Variants in JMY observed in about 807,000 individuals in gnomAD.
JMY encodes the protein junction-mediating and -regulatory protein.
In JMY, 46 loss-of-function variants were observed where a neutral mutation model predicts 103.3. The observed-to-expected ratio is 0.45, with a 90% CI of 0.35 to 0.57. The LOEUF is 0.57. Among genes scored for constraint, JMY ranks in the 20% least tolerant of loss-of-function variants. The pLI, the probability that JMY is intolerant of heterozygous loss-of-function variation, is 0.00. For missense variants in JMY, 1,238 were observed against 1,255.2 expected, an observed-to-expected ratio of 0.99 and a Z score of 0.21; for synonymous variants, 526 against 489.3, an observed-to-expected ratio of 1.07 and a Z score of -0.99.
At chr5:79,265,012 C>A (rs116120695) in intron 1 of JMY, among the ~76,000 whole-genome samples, 4,664 of 152,244 alleles carry the variant, frequency 0.031, 87 homozygotes, top group South Asian at 0.062. Flanking sequence ...AGCCCTGCCT[C>A]CCAGGTTCAT....
intron 2 of JMY, chr5:79,284,820 C>G: frequency 6.3e-7 from 1 of 1,576,424 alleles, no homozygotes. Flanking sequence ...CAGGTGCTTT[C>G]ACATCATACC....
chr5:79,278,085 TA>T lies in JMY; in HGVS notation c.1206+3del, dbSNP rs1745997970. 1 of 1,606,910 alleles carries T rather than the reference TA, an allele frequency of 6.2e-7. No individual in the cohort carries two copies. The highest frequency in any genetic ancestry group is 8.5e-7 in the Non-Finnish European group (1 of 1,175,430). ...ATGCTACGAAGACAGCAGATCAAGG[TA>T]TTTTTTTATTAATCCTAACTAGTAG... is the stretch of plus-strand genomic sequence containing the variant. On this transcript the variant is annotated splice_donor_region_variant and intron_variant, in intron 2 of 10. Transcript: ENST00000396137.
chr5:79,278,543 G>C (rs974171863), intron 2 of JMY, among the ~76,000 whole-genome samples: 1 of 124,594 alleles, frequency 8.0e-6, no homozygotes, highest in Non-Finnish European at 1.6e-5. Context: ...CTTGAGCTCC[G>C]AGCTTGAGAC....
At chr5:79,283,854 A>C (rs1746192168) in intron 2 of JMY, among the ~76,000 whole-genome samples, 4 of 152,212 alleles carry the variant, frequency 2.6e-5, no homozygotes, top group Admixed American at 2.6e-4. Flanking sequence ...TACTGAACTG[A>C]AGGTTACAAT....
intron 1 of JMY, among the ~76,000 whole-genome samples, chr5:79,251,899 C>T (rs1470905898): frequency 2.0e-5 from 3 of 152,088 alleles, no homozygotes; most frequent in Non-Finnish European, 2.9e-5. Context: ...CTCAGCCTCC[C>T]GAGTAGCTGG....
At chr5:79,290,766 T>TC (rs1746394026) in intron 3 of JMY, among the ~76,000 whole-genome samples, 1 of 152,088 alleles carries the variant, frequency 6.6e-6, no homozygotes, top group South Asian at 2.1e-4. Context: ...GGCAGGTGGA[T>TC]CACAAGGTCA....
intron 1 of JMY, among the ~76,000 whole-genome samples, chr5:79,268,483 A>T (rs985889471): frequency 1.3e-5 from 2 of 151,198 alleles, no homozygotes; most frequent in East Asian, 1.9e-4. Context: ...TTTATTTTTT[A>T]TTTATTTATT....
In JMY at chr5:79,270,521, A is replaced by ATG. The variant is rs1745734046; in HGVS notation, c.1033-7388_1033-7387insGT. Among the ~76,000 whole-genome samples the ATG allele has an allele frequency of 4.8e-4, 42 of 87,552 alleles. 2 individuals carry two copies. Among genetic ancestry groups the ATG allele is most frequent in the African/African-American group, 1.4e-3 (39 of 27,444 alleles). The allele number at this position is 87,552 out of a possible 152,430, so 57.4% of individuals were successfully genotyped here. On this transcript the variant is annotated intron_variant, in intron 1 of 10. Transcript: ENST00000396137. ...ATATATATTTACATAAATATTTAAA[A>ATG]TATATATTTACATAAATATTTAAAA...
Position 79,279,370 on chromosome 5 carries a change from T to C in JMY, c.1206+1287T>C, listed in dbSNP as rs1275861892. ...TAAATTTTTTCCCCCACAACATGGGTGAAAAAGCATTTTTTGAGGCAAGCA... is the reference window on the plus strand; with the variant it reads ...TAAATTTTTTCCCCCACAACATGGGCGAAAAAGCATTTTTTGAGGCAAGCA... On this transcript the variant is annotated intron_variant, in intron 2 of 10. Coordinates refer to ENST00000396137, the MANE Select transcript of JMY (RefSeq NM_152405.5). 2.0e-5 allele frequency among the ~76,000 whole-genome samples: 3 copies of C among 152,154 alleles called. No individual in the cohort carries two copies. The East Asian group carries it at 5.8e-4, about 29-fold the overall frequency.
At position 79,316,194 on chromosome 5, in the gene JMY, G is replaced by T; in HGVS notation, c.2854G>T (p.Asp952Tyr). 1 of 1,614,058 alleles carries T rather than the reference G, an allele frequency of 6.2e-7. No homozygotes were observed. The change falls in exon 10 of 11, where the codon GAT (aspartate) becomes TAT (tyrosine). Residue 952 changes from aspartate to tyrosine, a missense_variant. Coordinates refer to ENST00000396137, the MANE Select transcript of JMY (RefSeq NM_152405.5). ...GAGAGAATCCTTCACACTTCTACCC[G>T]ATACAGACCCTCTAACACGGAGCAT... ...VLRESFTLLP[D>Y]TDPLTRSIHE...
chr5:79,251,034 C>T (rs1745069971), intron 1 of JMY, among the ~76,000 whole-genome samples: 1 of 151,844 alleles, frequency 6.6e-6, no homozygotes, highest in African/African-American at 2.4e-5. Context: ...ATTTATATTT[C>T]TTAAGAAGAG....
At chr5:79,249,884 A>G (rs1363595798) in intron 1 of JMY, among the ~76,000 whole-genome samples, 1 of 152,174 alleles carries the variant, frequency 6.6e-6, no homozygotes, top group Non-Finnish European at 1.5e-5. Context: ...ACAGGGGTTC[A>G]TACCTCACTT....
At chr5:79,309,226 T>C (rs1287809217) in intron 7 of JMY, among the ~76,000 whole-genome samples, 2 of 152,194 alleles carry the variant, frequency 1.3e-5, no homozygotes, top group African/African-American at 4.8e-5. Flanking sequence ...TTGTTCCTGA[T>C]CTTAGCAAGA....
In JMY at chr5:79,300,832, C is replaced by T. The variant is rs762257141; in HGVS notation, c.1850C>T (p.Ser617Phe). ...CTGGAAGCAAGACGTGGACGGGTTT[C>T]TGCCAAGAAATCCTACCTCAGAAAT... ...RQLEARRGRV[S>F]AKKSYLRNKK... The change falls in exon 6 of 11, where the codon TCT (serine) becomes TTT (phenylalanine). Residue 617 changes from serine (S) to phenylalanine (F), a missense_variant. Ser to Phe is a radical substitution (Grantham distance 155). Coordinates refer to ENST00000396137, the MANE Select transcript of JMY (RefSeq NM_152405.5). 1 of 1,595,782 alleles carries T rather than the reference C, an allele frequency of 6.3e-7. No individual in the cohort carries two copies. Among genetic ancestry groups the T allele is most frequent in the South Asian group, 1.1e-5 (1 of 87,160 alleles).
intron 2 of JMY, among the ~76,000 whole-genome samples, chr5:79,288,334 A>C (rs1011362476): frequency 2.6e-5 from 4 of 152,110 alleles, no homozygotes; most frequent in African/African-American, 9.7e-5. Flanking sequence ...CACCTCTCGC[A>C]TGCCTTTTCA....
intron 1 of JMY, among the ~76,000 whole-genome samples, chr5:79,273,110 C>G (rs924921061): frequency 1.3e-5 from 2 of 152,204 alleles, no homozygotes; most frequent in South Asian, 2.1e-4. Flanking sequence ...GAAAAATAGT[C>G]TATTTTCCTA....
chr5:79,267,404 C>T (rs2607140), intron 1 of JMY, among the ~76,000 whole-genome samples: 44,455 of 152,032 alleles, frequency 0.29, 7,537 homozygotes, highest in South Asian at 0.45. Flanking sequence ...TGCTCCATCT[C>T]TCCTAGCCTC....
intron 10 of JMY, among the ~76,000 whole-genome samples, chr5:79,318,761 T>TAGAGAGAG (rs3081332): frequency 3.7e-5 from 2 of 53,612 alleles, no homozygotes; most frequent in East Asian, 4.9e-4. Flanking sequence ...TATATATATA[T>TAGAGAGAG]AGAGAGAGAG....
At chr5:79,245,637 T>C (rs899914760) in intron 1 of JMY, among the ~76,000 whole-genome samples, 2 of 152,062 alleles carry the variant, frequency 1.3e-5, no homozygotes, top group African/African-American at 2.4e-5. Context: ...GGTTTTTTTC[T>C]TTTTTTGAGA....
Sources: gnomAD v4.1 joint callset for allele counts (sites outside exome capture counted in the v4.1 genomes callset) on GRCh38, gnomAD v4.1.1 for gene constraint, MANE v1.5 for transcripts, NCBI Gene and HGNC (gene_info 2026-07-23, HGNC 2026-07-21) for gene names.